The following EIF2AK2 variants were observed in gnomAD, a reference collection of about 807,000 sequenced individuals.
EIF2AK2 encodes the protein eukaryotic translation initiation factor 2 alpha kinase 2, also known as interferon-induced, double-stranded RNA-activated protein kinase.
A neutral mutation model predicts 70.5 loss-of-function variants in EIF2AK2; 40 were observed. That is an observed-to-expected ratio of 0.57 (90% CI 0.44 to 0.74). The LOEUF (loss-of-function observed/expected upper bound fraction) is 0.74, where lower values mean the gene tolerates loss of function less well. EIF2AK2 is among the 30% of genes least tolerant of loss of function. The pLI is 0.00. For missense variants in EIF2AK2, 555 were observed against 644.3 expected (o/e 0.86, Z 1.50); for synonymous variants, 198 against 220.9 (o/e 0.90, Z 0.92).
chr2:37,149,521 T>C (rs1321106421), intron 1 of EIF2AK2, among the ~76,000 whole-genome samples: 7 of 151,944 alleles, frequency 4.6e-5, no homozygotes, highest in African/African-American at 1.5e-4. Context: ...TGGACCAATA[T>C]AAACATGTAG....
intron 12 of EIF2AK2, among the ~76,000 whole-genome samples, chr2:37,121,046 G>A (rs1415595941): frequency 4.0e-5 from 6 of 148,802 alleles, no homozygotes; most frequent in African/African-American, 1.5e-4. Flanking sequence ...GGTGGATCAC[G>A]AGGTCAGGAG....
rs182855570 is a variant in EIF2AK2, at chr2:37,107,574, G to A, written c.1480-47C>T. The A allele has an allele frequency of 6.8e-5, 106 of 1,568,458 alleles. No homozygotes were observed. The African/African-American group carries it at 1.1e-3, about 16-fold the overall frequency. On this transcript the variant is annotated intron_variant, in intron 15 of 16. Coordinates refer to ENST00000233057, the MANE Select transcript of EIF2AK2 (RefSeq NM_001135651.3). ...GTATATTAGGAAATTATTTACTTGG[G>A]AGGAAAGACAGAACTAAAGGCTGAG...
chr2:37,131,281 G>C (rs1674930252), intron 10 of EIF2AK2, among the ~76,000 whole-genome samples: 1 of 152,048 alleles, frequency 6.6e-6, no homozygotes. Context: ...CTCATAATCA[G>C]GCCCTTGGAC....
chr2:37,119,514 A>G (rs1674458993), intron 13 of EIF2AK2, among the ~76,000 whole-genome samples: 1 of 152,094 alleles, frequency 6.6e-6, no homozygotes, highest in South Asian at 2.1e-4. Context: ...TTCAGATACC[A>G]TTTTCTCATA....
chr2:37,153,965 C>T (rs1489607552), intron 1 of EIF2AK2, among the ~76,000 whole-genome samples: 1 of 152,218 alleles, frequency 6.6e-6, no homozygotes, highest in Admixed American at 6.5e-5. Flanking sequence ...AATTTCTCCA[C>T]ATCCTCACCA....
At position 37,122,634 on chromosome 2, in the gene EIF2AK2, T is replaced by G; in HGVS notation, c.939A>C (p.Ala313=). The G allele has an allele frequency of 6.2e-7, 1 of 1,614,178 alleles. No homozygotes were observed. The highest frequency in any genetic ancestry group is 8.5e-7 in the Non-Finnish European group (1 of 1,180,040). Residue 313 remains alanine (A), a synonymous_variant, in exon 12 of 17, where the codon GCA becomes GCC. Transcript: ENST00000233057. ...EKAEREVKAL[A]KLDHVNIVHY... ...GAACAATATTTACATGATCAAGTTT[T>G]GCCAATGCTTTTACTTCACGCTCCG...
chr2:37,112,087 T>C (rs1006337236), intron 14 of EIF2AK2, among the ~76,000 whole-genome samples: 2 of 151,690 alleles, frequency 1.3e-5, no homozygotes, highest in African/African-American at 4.8e-5. Flanking sequence ...CATTTTGCTC[T>C]GGGCAATGAT....
At chr2:37,117,347 G>A (rs746126000) in intron 13 of EIF2AK2, among the ~76,000 whole-genome samples, 11 of 152,158 alleles carry the variant, frequency 7.2e-5, no homozygotes, top group Non-Finnish European at 1.5e-4. Flanking sequence ...AGACCAACCA[G>A]GGCAACATGG....
intron 10 of EIF2AK2, among the ~76,000 whole-genome samples, chr2:37,133,445 G>A (rs1675018037): frequency 6.6e-6 from 1 of 151,998 alleles, no homozygotes; most frequent in African/African-American, 2.4e-5. Context: ...AGGAAACTGG[G>A]TTCTGGTAAA....
intron 12 of EIF2AK2, among the ~76,000 whole-genome samples, 184 bp downstream of exon 12, chr2:37,122,322 G>A (rs774314224): frequency 1.3e-5 from 2 of 152,188 alleles, no homozygotes; most frequent in Non-Finnish European, 2.9e-5. Flanking sequence ...TCTGCAGCAA[G>A]AGGAGGAGCA....
chr2:37,135,813 G>A, intron 9 of EIF2AK2, among the ~76,000 whole-genome samples: 1 of 152,048 alleles, frequency 6.6e-6, no homozygotes, highest in Admixed American at 6.5e-5. Context: ...TTTATTTTTA[G>A]TAGAGACAGG....
intron 7 of EIF2AK2, 49 bp from the exon 8 acceptor site, chr2:37,138,412 CTT>C (rs1310896503): frequency 1.3e-6 from 2 of 1,599,474 alleles, no homozygotes; most frequent in African/African-American, 2.7e-5. Flanking sequence ...GTTTTTATCA[CTT>C]ATTTCTTTCC....
At chr2:37,151,932 G>A (rs1304632559) in intron 1 of EIF2AK2, among the ~76,000 whole-genome samples, 1 of 152,232 alleles carries the variant, frequency 6.6e-6, no homozygotes, top group African/African-American at 2.4e-5. Context: ...CGGGCGCGGT[G>A]GCGCGCGCCT....
intron 10 of EIF2AK2, among the ~76,000 whole-genome samples, chr2:37,135,108 C>T (rs1675081634): frequency 6.6e-6 from 1 of 152,168 alleles, no homozygotes; most frequent in African/African-American, 2.4e-5. Flanking sequence ...TCCTCCAAAA[C>T]AGATGGGGAC....
chr2:37,155,655 T>C (rs900871103), intron 1 of EIF2AK2, among the ~76,000 whole-genome samples: 2 of 152,206 alleles, frequency 1.3e-5, no homozygotes, highest in African/African-American at 4.8e-5. Context: ...ACCTCCATCA[T>C]AATCACTAAA....
Position 37,114,842 on chromosome 2 carries a change from TA to T in EIF2AK2, c.1265del (p.Leu422Ter). The T allele has an allele frequency of 6.3e-7, 1 of 1,580,244 alleles. No homozygotes were observed. Among genetic ancestry groups the T allele is most frequent in the Non-Finnish European group, 8.6e-7 (1 of 1,166,074 alleles). On this transcript the variant is annotated frameshift_variant, in exon 14 of 17. Transcript: ENST00000233057. LOFTEE classifies it high-confidence loss of function. ...CAATCTTTACTTGTTTTGTATCTACTAAGAATATATTACTTGGCTATGAAAA... is the reference window on the plus strand; with the variant it reads ...CAATCTTTACTTGTTTTGTATCTACTAGAATATATTACTTGGCTATGAAAA... ...HRDLKPSNIF[L>X]VDTKQVKIGD...
At chr2:37,127,547 C>G (rs144139975) in intron 10 of EIF2AK2, among the ~76,000 whole-genome samples, 278 of 152,260 alleles carry the variant, frequency 1.8e-3, no homozygotes, top group African/African-American at 5.9e-3. Flanking sequence ...TGTTCTCGAA[C>G]TTTCACATCA....
intron 12 of EIF2AK2, among the ~76,000 whole-genome samples, chr2:37,120,821 G>A (rs1189347362): frequency 6.7e-6 from 1 of 149,534 alleles, no homozygotes; most frequent in Admixed American, 6.8e-5. Flanking sequence ...AAATTAGCTG[G>A]GTGTGGTGGC....
At chr2:37,133,441 C>T (rs538171286) in intron 10 of EIF2AK2, among the ~76,000 whole-genome samples, 1 of 152,226 alleles carries the variant, frequency 6.6e-6, no homozygotes, top group East Asian at 1.9e-4. Context: ...AGTCAGGAAA[C>T]TGGGTTCTGG....
Sources: gnomAD v4.1 joint callset for allele counts (sites outside exome capture counted in the v4.1 genomes callset) on GRCh38, gnomAD v4.1.1 for gene constraint, MANE v1.5 for transcripts, NCBI Gene and HGNC (gene_info 2026-07-23, HGNC 2026-07-21) for gene names.